POMT2: variants seen among roughly 807,000 people sequenced by gnomAD.
The protein encoded by POMT2 is protein O-mannosyl-transferase 2.
POMT2 carries 75 observed loss-of-function variants against 100.0 expected under a neutral mutation model. That is an observed-to-expected ratio of 0.75 (90% confidence interval 0.62 to 0.91). The LOEUF (loss-of-function observed/expected upper bound fraction) is 0.91. POMT2 is among the 40% of genes least tolerant of loss of function. POMT2 has a pLI of 0.00. For synonymous variants in POMT2, 378 were observed against 374.1 expected, an observed-to-expected ratio of 1.01 and a Z score of -0.12; for missense variants, 940 against 955.1, an observed-to-expected ratio of 0.98 and a Z score of 0.21.
Position 77,312,052 on chromosome 14 carries a change from G to C in POMT2, c.249-19C>G, listed in dbSNP as rs774402115. 6.2e-7 allele frequency: 1 copy of C among 1,612,726 alleles called. No homozygotes were observed. Among genetic ancestry groups the C allele is most frequent in the Non-Finnish European group, 8.5e-7 (1 of 1,179,488 alleles). ...ATCCCAACTAAAGGAAACACAGAAAGAGAAACAAGAATTTTAAAATTATCA... is the reference window on the plus strand; with the variant it reads ...ATCCCAACTAAAGGAAACACAGAAACAGAAACAAGAATTTTAAAATTATCA... On this transcript the variant is annotated intron_variant, in intron 1 of 20. Transcript: ENST00000261534.
At chr14:77,301,057 A>C in intron 6 of POMT2, 33 bp downstream of exon 6, 2 of 1,613,474 alleles carry the variant, frequency 1.2e-6, no homozygotes, top group Non-Finnish European at 1.7e-6. Flanking sequence ...CAGGGAGCAA[A>C]AACATTTCCA....
intron 9 of POMT2, 33 bp downstream of exon 9, chr14:77,296,131 G>A: frequency 1.3e-6 from 2 of 1,485,168 alleles, no homozygotes; most frequent in South Asian, 2.4e-5. Context: ...GAACAGCATT[G>A]CTGCCGTACA....
At chr14:77,290,976 G>A (rs1890617690) in intron 10 of POMT2, among the ~76,000 whole-genome samples, 1 of 152,136 alleles carries the variant, frequency 6.6e-6, no homozygotes, top group Non-Finnish European at 1.5e-5. Flanking sequence ...CAGCAGCCAG[G>A]TGCCCTCAGC....
chr14:77,288,727 T>C, intron 11 of POMT2, 35 bp downstream of exon 11: 1 of 1,574,322 alleles, frequency 6.4e-7, no homozygotes, highest in Non-Finnish European at 8.7e-7. Context: ...TTGGTGCCCG[T>C]ACCATTTATT....
At chr14:77,279,334 T>C (rs561796468) in intron 18 of POMT2, 2 of 367,396 alleles carry the variant, frequency 5.4e-6, no homozygotes, top group African/African-American at 4.2e-5. Context: ...CTGTGGCCCA[T>C]GGTCTGGCAG....
At chr14:77,312,136 A>G (rs1891458486) in intron 1 of POMT2, 103 bp from the exon 2 acceptor site, 1 of 1,493,984 alleles carries the variant, frequency 6.7e-7, no homozygotes, top group Non-Finnish European at 8.9e-7. Context: ...CATTTCAAAC[A>G]ATTAATGCAA....
intron 1 of POMT2, among the ~76,000 whole-genome samples, chr14:77,316,566 TAAAAAA>T (rs60771363): frequency 3.9e-5 from 3 of 77,568 alleles, no homozygotes; most frequent in Non-Finnish European, 7.2e-5. Context: ...ATCTCATCTC[TAAAAAA>T]AAAAAAAAAA....
chr14:77,307,858 CTTTTTTTTTTT>C lies in POMT2; in HGVS notation c.334-1428_334-1418del, dbSNP rs57755259. ...AAAAGTAGCCCCAAGTTAATTTCTT[CTTTTTTTTTTT>C]TTTTTTTTTTTGAGACAGAGTCTCG... On this transcript the variant is annotated intron_variant, in intron 2 of 20. Transcript: ENST00000261534. Among the ~76,000 whole-genome samples the C allele has an allele frequency of 2.3e-4, 23 of 101,220 alleles. 1 individual carries two copies. The East Asian group carries it at 5.8e-3, about 26-fold the overall frequency. 66.4% of individuals were successfully genotyped at this position (101,220 alleles called of 152,430 possible). A position where few individuals can be genotyped will look rare whatever the true frequency, so the allele number is the denominator to read the frequency against.
intron 9 of POMT2, among the ~76,000 whole-genome samples, chr14:77,292,621 T>C (rs1468742245): frequency 6.6e-6 from 1 of 152,200 alleles, no homozygotes; most frequent in Non-Finnish European, 1.5e-5. Context: ...TTGGATAAAA[T>C]ATGACCAATT....
chr14:77,302,637 C>T (rs920940829), intron 5 of POMT2, among the ~76,000 whole-genome samples, 198 bp downstream of exon 5: 5 of 152,156 alleles, frequency 3.3e-5, no homozygotes, highest in Non-Finnish European at 7.3e-5. Context: ...AATAAAATCA[C>T]CTGTAGAAAA....
chr14:77,276,922 T>G lies in POMT2; in HGVS notation c.*454A>C, dbSNP rs552054483. 2.2e-5 allele frequency: 4 copies of G among 181,644 alleles called. No homozygotes were observed. Among genetic ancestry groups the G allele is most frequent in the African/African-American group, 9.3e-5 (4 of 42,834 alleles). 11.3% of individuals were successfully genotyped at this position (181,644 alleles called of 1,614,324 possible). A position where few individuals can be genotyped will look rare whatever the true frequency, so the allele number is the denominator to read the frequency against. Reference sequence around the variant, plus strand: ...AAGGCCCTCTCAGAGGTCTGAGAATTTTTGATGGATCTTACAAACCAAAAC... The same window carrying G: ...AAGGCCCTCTCAGAGGTCTGAGAATGTTTGATGGATCTTACAAACCAAAAC... On this transcript the variant is annotated 3_prime_UTR_variant, in exon 21 of 21. Transcript: ENST00000261534.
intron 1 of POMT2, among the ~76,000 whole-genome samples, chr14:77,319,921 C>T (rs1236090796): frequency 2.0e-5 from 3 of 152,128 alleles, no homozygotes; most frequent in Non-Finnish European, 2.9e-5. Context: ...CAAGCTAAAA[C>T]CTTTAAGAAA....
At chr14:77,290,802 A>G (rs972293419) in intron 10 of POMT2, among the ~76,000 whole-genome samples, 1 of 152,212 alleles carries the variant, frequency 6.6e-6, no homozygotes, top group African/African-American at 2.4e-5. Flanking sequence ...CTCAGGAATT[A>G]GCCTAGACAA....
chr14:77,286,876 A>G (rs763032710), intron 11 of POMT2, 54 bp from the exon 12 acceptor site: 149 of 1,613,146 alleles, frequency 9.2e-5, no homozygotes, highest in Non-Finnish European at 1.2e-4. Flanking sequence ...GATGTGCAAC[A>G]TTTCTTCTTT....
intron 15 of POMT2, 56 bp downstream of exon 15, chr14:77,283,741 T>C (rs1410740375): frequency 6.9e-7 from 1 of 1,458,956 alleles, no homozygotes; most frequent in Admixed American, 1.7e-5. Flanking sequence ...GTGATCCAAA[T>C]TCATGGCTGC....
rs139930424 is a variant in POMT2 at position 77,304,334 on chromosome 14, TCTTAA to T, written c.547+353_547+357del. Among the ~76,000 whole-genome samples, 486 of 152,328 alleles carry T rather than the reference TCTTAA, an allele frequency of 3.2e-3. 1 individual carries two copies. Among genetic ancestry groups the T allele is most frequent in the African/African-American group, 9.1e-3 (380 of 41,566 alleles). On this transcript the variant is annotated intron_variant, in intron 4 of 20. Transcript: ENST00000261534. ...AAATTAGTTAAGGAATGCAAACTAA[TCTTAA>T]CTTAAGAGAAGCAAAATTAGAATTA... is the stretch of plus-strand genomic sequence containing the variant.
intron 1 of POMT2, chr14:77,319,416 G>A (rs1359770441): frequency 6.6e-6 from 1 of 152,198 alleles, no homozygotes; most frequent in East Asian, 1.9e-4. Flanking sequence ...TAGAATCGAG[G>A]AGTGAGAGAG....
intron 16 of POMT2, 142 bp from the exon 17 acceptor site, chr14:77,280,222 G>A: frequency 3.2e-6 from 5 of 1,564,410 alleles, no homozygotes; most frequent in Non-Finnish European, 4.3e-6. Flanking sequence ...GAGCTCTCTG[G>A]GAAGCAGGGT....
At position 77,300,671 on chromosome 14, in the gene POMT2, T is replaced by G. The variant is rs1890997999; in HGVS notation, c.816+419A>C. On this transcript the variant is annotated intron_variant, in intron 6 of 20. Transcript: ENST00000261534. ...CGCATCTCTACTAAAACTACAAAAA[T>G]TAGCTGGGCATGGTGGTATGTGCCT... The G allele has an allele frequency of 3.7e-5, 9 of 240,594 alleles. No homozygotes were observed. In the South Asian group the frequency reaches 4.5e-4, roughly 12 times the overall value. 14.9% of individuals were successfully genotyped at this position (240,594 alleles called of 1,614,324 possible).
Sources: allele counts gnomAD v4.1 joint callset (sites outside exome capture counted in the v4.1 genomes callset), GRCh38; gene constraint gnomAD v4.1.1; transcripts MANE v1.5; gene names NCBI Gene and HGNC (gene_info 2026-07-23, HGNC 2026-07-21).